Variants in WRN observed in about 807,000 individuals in gnomAD.
The protein encoded by WRN is WRN RecQ like helicase, also known as bifunctional 3'-5' exonuclease/ATP-dependent helicase WRN.
WRN carries 149 observed loss-of-function variants against 180.7 expected under a neutral mutation model. That is an observed-to-expected ratio of 0.82 (90% confidence interval 0.72 to 0.94). WRN has a LOEUF of 0.94. Ranked by LOEUF, WRN falls within the 40% of genes least tolerant of loss-of-function variation. The probability of loss-of-function intolerance (pLI) is 0.00; values close to 1 mark genes in which losing one functional copy is unlikely to be tolerated. For missense variants in WRN, 1,661 were observed against 1,700.1 expected (o/e 0.98, Z 0.40); for synonymous variants, 548 against 568.9 (o/e 0.96, Z 0.52).
intron 20 of WRN, among the ~76,000 whole-genome samples, chr8:31,119,144 T>C (rs11574311): frequency 0.16 from 24,554 of 151,882 alleles, 2,123 homozygotes; most frequent in South Asian, 0.25. Context: ...TTCTTTTACT[T>C]ACTCAGCATT....
intron 9 of WRN, 61 bp from the exon 10 acceptor site, chr8:31,083,638 G>A (rs1813407584): frequency 7.4e-7 from 1 of 1,357,770 alleles, no homozygotes; most frequent in South Asian, 1.2e-5. Context: ...GCTTTGTTCT[G>A]CAGAAAAGAG....
intron 18 of WRN, among the ~76,000 whole-genome samples, chr8:31,108,094 C>A (rs1801166417): frequency 6.6e-6 from 1 of 152,156 alleles, no homozygotes; most frequent in African/African-American, 2.4e-5. Context: ...AAGTATATGT[C>A]TAAGATTAAT....
intron 9 of WRN, among the ~76,000 whole-genome samples, chr8:31,082,900 G>T (rs945617499): frequency 6.6e-6 from 1 of 152,076 alleles, no homozygotes; most frequent in African/African-American, 2.4e-5. Context: ...TATTAGTATT[G>T]CTTTCTTTAT....
At chr8:31,162,735 T>G (rs1803681509) in intron 33 of WRN, among the ~76,000 whole-genome samples, 1 of 152,182 alleles carries the variant, frequency 6.6e-6, no homozygotes, top group Non-Finnish European at 1.5e-5. Flanking sequence ...TAGGAACTTT[T>G]CAGCTCCATG....
chr8:31,058,241 A>G, intron 1 of WRN, 131 bp from the exon 2 acceptor site: 1 of 523,268 alleles, frequency 1.9e-6, no homozygotes, highest in Non-Finnish European at 3.4e-6. Flanking sequence ...TATAATTATT[A>G]GATGCAGCAT....
intron 34 of WRN, among the ~76,000 whole-genome samples, chr8:31,169,431 G>C (rs891407950): frequency 6.6e-6 from 1 of 151,070 alleles, no homozygotes; most frequent in African/African-American, 2.4e-5. Flanking sequence ...TTCTTTCTTC[G>C]GTTTTCCCCC....
In WRN at chr8:31,142,723, C is replaced by T; in HGVS notation, c.3309+22C>T. The stretch of plus-strand genomic sequence containing the variant: ...GAAGGTTTGTTTTAAAGAAATTGTT[C>T]TGATTTATTTCATTCTTTATTGATT... On this transcript the variant is annotated intron_variant, in intron 27 of 34. Transcript: ENST00000298139. The T allele has an allele frequency of 2.6e-6, 4 of 1,557,696 alleles. No homozygotes were observed. The East Asian group carries it at 9.0e-5, about 35-fold the overall frequency.
At chr8:31,109,391 T>C (rs1005869203) in intron 18 of WRN, among the ~76,000 whole-genome samples, 1 of 152,224 alleles carries the variant, frequency 6.6e-6, no homozygotes, top group African/African-American at 2.4e-5. Flanking sequence ...AGTAAATTTA[T>C]AGTGATTTTC....
At chr8:31,133,794 G>T (rs1178160485) in intron 24 of WRN, among the ~76,000 whole-genome samples, 2 of 152,154 alleles carry the variant, frequency 1.3e-5, no homozygotes, top group African/African-American at 4.8e-5. Context: ...TGAGATCTGT[G>T]AAAATGTATT....
Position 31,067,050 on chromosome 8 carries a change from C to A in WRN, c.522C>A (p.Thr174=). 6.2e-7 allele frequency: 1 copy of A among 1,613,790 alleles called. No homozygotes were observed. The highest frequency in any genetic ancestry group is 1.3e-5 in the African/African-American group (1 of 75,010). ...VANKKLKCTE[T]WSLNSLVKHL... Reference sequence around the variant, plus strand: ...ATTTCTAGCTGAAATGCACAGAGACCTGGAGCCTTAACAGTCTGGTTAAAC... The same window carrying A: ...ATTTCTAGCTGAAATGCACAGAGACATGGAGCCTTAACAGTCTGGTTAAAC... The change falls in exon 6 of 35, where the codon ACC becomes ACA. Residue 174 remains threonine (T), a synonymous_variant. Coordinates refer to ENST00000298139, the MANE Select transcript of WRN (RefSeq NM_000553.6).
rs13438802 is a variant in WRN at position 31,090,838 on chromosome 8, T to C, written c.1725T>C (p.Tyr575=). 1,372 of 1,606,684 alleles carry C rather than the reference T, an allele frequency of 8.5e-4. 9 individuals are homozygous for C. In the African/African-American group the frequency reaches 0.017, roughly 20 times the overall value. The part of the protein sequence containing the change: ...RDNVAVMATG[Y]GKSLCFQYPP... ...TTATATTTTTTTCATTTCAAGGATA[T>C]GGAAAGAGTTTGTGCTTCCAGTATC... Residue 575 remains tyrosine, a synonymous_variant, in exon 15 of 35, where the codon TAT becomes TAC. Coordinates refer to ENST00000298139, the MANE Select transcript of WRN (RefSeq NM_000553.6).
rs370711688 is a variant in WRN at position 31,096,735 on chromosome 8, T to TC, written c.1899-33_1899-32insC. 1.1e-5 allele frequency: 17 copies of TC among 1,532,096 alleles called. 2 individuals are homozygous for TC. The African/African-American group carries it at 2.2e-4, about 20-fold the overall frequency. The allele number at this position is 1,532,096 out of a possible 1,614,324, so 94.9% of individuals were successfully genotyped here. A position where few individuals can be genotyped will look rare whatever the true frequency, so the allele number is the denominator to read the frequency against. On this transcript the variant is annotated intron_variant, in intron 16 of 34. Transcript: ENST00000298139. The stretch of plus-strand genomic sequence containing the variant: ...TAATATGTTTCCCTTCCTGTTTTTT[T>TC]TTTTTTCTTTTTTCTTTTGTTTGTT...
rs1379379527 is a variant in WRN, at chr8:31,175,212, G to A, written c.*2110G>A. Among the ~76,000 whole-genome samples the A allele has an allele frequency of 2.6e-5, 4 of 152,044 alleles. No individual in the cohort carries two copies. The highest frequency in any genetic ancestry group is 4.1e-4 in the South Asian group (2 of 4,824). Reference sequence around the variant, plus strand: ...AGCACTTTGGGAGGCCGAGGCGGGCGGATCACGAGATCAGGAGATCGAGAC... The same window carrying A: ...AGCACTTTGGGAGGCCGAGGCGGGCAGATCACGAGATCAGGAGATCGAGAC... On this transcript the variant is annotated 3_prime_UTR_variant, in exon 35 of 35. Coordinates refer to ENST00000298139, the MANE Select transcript of WRN (RefSeq NM_000553.6).
intron 18 of WRN, among the ~76,000 whole-genome samples, chr8:31,106,834 G>T (rs1801117519): frequency 6.6e-6 from 1 of 152,014 alleles, no homozygotes; most frequent in African/African-American, 2.4e-5. Flanking sequence ...TTGATTGTTT[G>T]GTTTATAAAA....
chr8:31,094,627 G>T (rs577723225), intron 16 of WRN, among the ~76,000 whole-genome samples: 32 of 152,090 alleles, frequency 2.1e-4, no homozygotes, highest in Non-Finnish European at 4.0e-4. Flanking sequence ...GATTACAGGC[G>T]TGAGCCACTC....
chr8:31,098,627 A>T (rs892569171), intron 17 of WRN, among the ~76,000 whole-genome samples: 1 of 152,236 alleles, frequency 6.6e-6, no homozygotes, highest in Non-Finnish European at 1.5e-5. Context: ...GCAAAAATGA[A>T]TATACGCAGG....
intron 11 of WRN, 129 bp downstream of exon 11, chr8:31,085,375 T>A: frequency 9.9e-7 from 1 of 1,012,608 alleles, no homozygotes; most frequent in Non-Finnish European, 1.5e-6. Context: ...AACATTAGAT[T>A]TCACATTTTC....
At position 31,116,424 on chromosome 8, in the gene WRN, G is replaced by T; in HGVS notation, c.2344G>T (p.Gly782Cys). The change falls in exon 20 of 35, where the codon GGT becomes TGT. Residue 782 changes from glycine (G) to cysteine (C), a missense_variant. By Grantham distance (159) the Gly-to-Cys change is radical. Around this residue, in one of 3 missense-constraint regions of WRN, gnomAD observed 1,141 missense variants for 1,149.4 expected, o/e 0.99. Transcript: ENST00000298139. ...PSRKMTQQVTGELRKLNLSCG... is the reference protein window; with the variant it reads ...PSRKMTQQVTCELRKLNLSCG... ...TAGAAAAATGACACAACAAGTTACA[G>T]GTGAACTTAGGAAACTGAATCTATC... 1 of 1,614,012 alleles carries T rather than the reference G, an allele frequency of 6.2e-7. No homozygotes were observed. Among genetic ancestry groups the T allele is most frequent in the South Asian group, 1.1e-5 (1 of 91,068 alleles).
Position 31,165,521 on chromosome 8 carries a change from T to G in WRN, c.3983-1501T>G, listed in dbSNP as rs368698977. Among the ~76,000 whole-genome samples, 9 of 152,182 alleles carry G rather than the reference T, an allele frequency of 5.9e-5. No homozygotes were observed. In the East Asian group the frequency reaches 1.5e-3, roughly 26 times the overall value. On this transcript the variant is annotated intron_variant, in intron 33 of 34. Transcript: ENST00000298139. The stretch of plus-strand genomic sequence containing the variant: ...TTAATTAGTCTACTATATTTAAAAT[T>G]TTATCATTTCAACATGTAATCAATA...
Sources: allele counts gnomAD v4.1 joint callset (sites outside exome capture counted in the v4.1 genomes callset), GRCh38; gene constraint gnomAD v4.1.1; regional missense constraint gnomAD v4.1.1; transcripts MANE v1.5; gene names NCBI Gene and HGNC (gene_info 2026-07-23, HGNC 2026-07-21).